IGSF11: variants seen among roughly 807,000 people sequenced by gnomAD.
IGSF11 encodes immunoglobulin superfamily member 11, also known as CXADR like 1.
In IGSF11, 22 loss-of-function variants were observed where a neutral mutation model predicts 41.0. The observed-to-expected ratio is 0.54, with a 90% CI of 0.38 to 0.77. IGSF11 has a LOEUF of 0.77. Among genes scored for constraint, IGSF11 ranks in the 30% least tolerant of loss-of-function variants. The pLI, the probability that IGSF11 is intolerant of heterozygous loss-of-function variation, is 0.00. For missense variants in IGSF11, 444 were observed against 530.8 expected (o/e 0.84, Z 1.61); for synonymous variants, 219 against 201.3 (o/e 1.09, Z -0.74).
At chr3:118,935,691 G>C (rs1188422212) in intron 1 of IGSF11, among the ~76,000 whole-genome samples, 1 of 151,996 alleles carries the variant, frequency 6.6e-6, no homozygotes, top group Non-Finnish European at 1.5e-5. Context: ...CATGAAAGCT[G>C]GTGCAGGGTC....
upstream of IGSF11, among the ~76,000 whole-genome samples, chr3:119,039,811 T>C (rs150436589): frequency 8.5e-5 from 13 of 152,306 alleles, no homozygotes; most frequent in East Asian, 2.5e-3. Flanking sequence ...TTCTCATGTG[T>C]CACCTAAGTC....
At chr3:119,051,661 A>T (rs1259753559) in intron 1 of IGSF11, among the ~76,000 whole-genome samples, 1 of 152,210 alleles carries the variant, frequency 6.6e-6, no homozygotes, top group Non-Finnish European at 1.5e-5. Flanking sequence ...TCTACCCAAC[A>T]ACTGCACAAT....
chr3:118,933,489 T>TATATATAC (rs561820742), intron 1 of IGSF11, among the ~76,000 whole-genome samples: 4 of 148,754 alleles, frequency 2.7e-5, no homozygotes, highest in African/African-American at 7.5e-5. Context: ...TATATATATA[T>TATATATAC]ACACACACAC....
At chr3:119,023,194 C>T (rs748972504) in intron 1 of IGSF11, among the ~76,000 whole-genome samples, 12 of 123,972 alleles carry the variant, frequency 9.7e-5, no homozygotes, top group African/African-American at 1.2e-4. Flanking sequence ...ATCTGGGAGG[C>T]GGAGGTTGCA....
At chr3:118,977,827 C>T (rs564802507) in intron 1 of IGSF11, among the ~76,000 whole-genome samples, 18 of 152,136 alleles carry the variant, frequency 1.2e-4, no homozygotes, top group Non-Finnish European at 2.2e-4. Flanking sequence ...AAACCCGAGT[C>T]CTAAGCAGCT....
At chr3:118,986,134 C>T (rs1369869911) in intron 1 of IGSF11, among the ~76,000 whole-genome samples, 1 of 152,196 alleles carries the variant, frequency 6.6e-6, no homozygotes, top group African/African-American at 2.4e-5. Flanking sequence ...GGAATGTGCG[C>T]CCTCTCTTCA....
At chr3:118,964,668 T>A (rs1945553395) in intron 1 of IGSF11, among the ~76,000 whole-genome samples, 1 of 152,160 alleles carries the variant, frequency 6.6e-6, no homozygotes, top group Admixed American at 6.5e-5. Context: ...GTAAGATCAC[T>A]TCTAAAGTAC....
intron 1 of IGSF11, among the ~76,000 whole-genome samples, chr3:119,024,585 G>A (rs550148397): frequency 2.6e-5 from 4 of 152,180 alleles, no homozygotes; most frequent in South Asian, 4.2e-4. Flanking sequence ...TATAATCAAC[G>A]ATATAAAATC....
chr3:119,057,387 A>T (rs1480408725), intron 1 of IGSF11, among the ~76,000 whole-genome samples: 1 of 152,122 alleles, frequency 6.6e-6, no homozygotes, highest in African/African-American at 2.4e-5. Context: ...TTCAAAGAGA[A>T]TAAAATACCT....
intron 1 of IGSF11, among the ~76,000 whole-genome samples, chr3:119,091,168 C>G (rs2076755543): frequency 6.6e-6 from 1 of 152,152 alleles, no homozygotes; most frequent in East Asian, 1.9e-4. Flanking sequence ...CATCTCACAC[C>G]AGTCAGATGA....
Position 118,905,656 on chromosome 3 carries a change from A to G in IGSF11, c.643T>C (p.Cys215Arg). 6.2e-7 allele frequency: 1 copy of G among 1,613,958 alleles called. No homozygotes were observed. Among genetic ancestry groups the G allele is most frequent in the Non-Finnish European group, 8.5e-7 (1 of 1,179,844 alleles). The change falls in exon 5 of 7, where the codon TGC (cysteine) becomes CGC (arginine). Residue 215 changes from cysteine (C) to arginine (R), a missense_variant. Cys to Arg is a radical substitution (Grantham distance 180). This residue lies in a region of IGSF11 where 193 missense variants were observed against 283.5 expected (regional missense o/e 0.68). Transcript: ENST00000393775. ...ISALSSGLYQ[C>R]VASNAIGTST... ...GTTCCAATAGCATTAGAAGCCACGCACTGGTACAAACCTGAAGACAGGGCA... is the reference window on the plus strand; with the variant it reads ...GTTCCAATAGCATTAGAAGCCACGCGCTGGTACAAACCTGAAGACAGGGCA...
chr3:119,105,985 T>C (rs545716749), upstream of IGSF11, among the ~76,000 whole-genome samples: 1 of 152,338 alleles, frequency 6.6e-6, no homozygotes, highest in African/African-American at 2.4e-5. Context: ...TTCATACTTA[T>C]TTGTCATATT....
intron 1 of IGSF11, among the ~76,000 whole-genome samples, chr3:119,050,073 C>T (rs1168148469): frequency 2.7e-5 from 4 of 148,936 alleles, no homozygotes; most frequent in Admixed American, 1.3e-4. Context: ...CATTACCATT[C>T]AGGACATAGG....
In IGSF11 at chr3:119,065,792, C is replaced by CAAA. The variant is rs1193374379; in HGVS notation, c.49+39349_49+39351dup. The stretch of plus-strand genomic sequence containing the variant: ...TGGGTGACACAGTGAGACTCTGTCT[C>CAAA]AAAAAAAAAAAAAAAAAAAAAAGCA... On this transcript the variant is annotated intron_variant, in intron 1 of 6. Coordinates refer to the IGSF11 transcript ENST00000354673. Among the ~76,000 whole-genome samples the CAAA allele has an allele frequency of 7.5e-3, 422 of 56,238 alleles. 13 individuals carry two copies. The highest frequency in any genetic ancestry group is 0.018 in the African/African-American group (312 of 17,032). 36.9% of individuals were successfully genotyped at this position (56,238 alleles called of 152,430 possible).
chr3:119,004,526 G>C (rs997309254), intron 1 of IGSF11, among the ~76,000 whole-genome samples: 1 of 139,650 alleles, frequency 7.2e-6, no homozygotes, highest in Non-Finnish European at 1.5e-5. Context: ...GTTTACTCTT[G>C]CTTTTCTAGT....
At chr3:119,120,843 C>T (rs1395711097) in intron 1 of IGSF11, among the ~76,000 whole-genome samples, 1 of 152,154 alleles carries the variant, frequency 6.6e-6, no homozygotes, top group Non-Finnish European at 1.5e-5. Flanking sequence ...TCCTAGTTTA[C>T]GTAACTATGA....
Position 119,008,104 on chromosome 3 carries a change from G to A in IGSF11, c.52+26427C>T, listed in dbSNP as rs528513513. On this transcript the variant is annotated intron_variant, in intron 1 of 6. Transcript: ENST00000393775. ...TTTTACCAATATTATAGTGACTCTT[G>A]AGGGTTGAAATCTCAACAACCTTCC... Among the ~76,000 whole-genome samples the A allele has an allele frequency of 2.0e-5, 3 of 152,212 alleles. No homozygotes were observed. In the South Asian group the frequency reaches 6.2e-4, roughly 32 times the overall value.
intron 1 of IGSF11, among the ~76,000 whole-genome samples, chr3:119,126,830 T>TCAA (rs147872135): frequency 1.3e-5 from 2 of 151,520 alleles, no homozygotes; most frequent in African/African-American, 2.4e-5. Flanking sequence ...AACAACAGCA[T>TCAA]CAACAACAAC....
At chr3:119,038,773 G>C (rs1232247764), upstream of IGSF11, among the ~76,000 whole-genome samples, 1 of 152,014 alleles carries the variant, frequency 6.6e-6, no homozygotes, top group Non-Finnish European at 1.5e-5. Flanking sequence ...TAATTCACTT[G>C]ATTTTATATT....
Sources: allele counts gnomAD v4.1 joint callset (sites outside exome capture counted in the v4.1 genomes callset), GRCh38; gene constraint gnomAD v4.1.1; regional missense constraint gnomAD v4.1.1; transcripts MANE v1.5; gene names NCBI Gene and HGNC (gene_info 2026-07-23, HGNC 2026-07-21).